The following RAP1GAP2 variants were observed in gnomAD, a reference collection of about 807,000 sequenced individuals.
RAP1GAP2 encodes the protein RAP1 GTPase activating protein 2, also known as rap1 GTPase-activating protein 2.
Under a neutral mutation model 95.0 loss-of-function variants are expected in RAP1GAP2, and 27 were observed. That is an observed-to-expected ratio of 0.28 (90% CI 0.21 to 0.39). RAP1GAP2 has a LOEUF of 0.39. RAP1GAP2 is among the 10% of genes least tolerant of loss of function. RAP1GAP2 has a pLI of 1.00. For missense variants in RAP1GAP2, 771 were observed against 970.0 expected (o/e 0.79, Z 2.72); for synonymous variants, 373 against 380.9 (o/e 0.98, Z 0.24).
At chr17:3,020,874 T>A (rs1433212780) in intron 19 of RAP1GAP2, among the ~76,000 whole-genome samples, 3 of 152,222 alleles carry the variant, frequency 2.0e-5, no homozygotes, top group Non-Finnish European at 2.9e-5. Context: ...CTTTGCCTCC[T>A]TTTTCAACGC....
In RAP1GAP2 at chr17:2,868,995, A is replaced by G. The variant is rs562539830; in HGVS notation, c.81-36289A>G. On this transcript the variant is annotated intron_variant, in intron 2 of 24. Transcript: ENST00000254695. ...CATGAGGGCTCAAATCCTGCATCAC[A>G]GACAACCGTCTTCTCGCCATGTTCT... is the stretch of plus-strand genomic sequence containing the variant. Among the ~76,000 whole-genome samples the G allele has an allele frequency of 8.5e-5, 13 of 152,230 alleles. No individual in the cohort carries two copies. In the South Asian group the frequency reaches 1.9e-3, roughly 22 times the overall value.
chr17:2,797,594 G>C lies in RAP1GAP2; in HGVS notation c.44+1023G>C, dbSNP rs771290096. On this transcript the variant is annotated intron_variant, in intron 1 of 24. Transcript: ENST00000254695. The surrounding 1 kb of genome is among the most constrained non-coding windows in gnomAD (Gnocchi z 5.6). ...TGTTCCTCGGTAATTTTTCGCTTCC[G>C]TGTGTGTGGCTTATTTCCCTCTTCC... 38 of 673,060 alleles carry C rather than the reference G, an allele frequency of 5.6e-5. No individual in the cohort carries two copies. The highest frequency in any genetic ancestry group is 6.6e-5 in the Non-Finnish European group (36 of 544,948). The allele number at this position is 673,060 out of a possible 1,614,324, so 41.7% of individuals were successfully genotyped here.
chr17:2,889,863 G>GTGTATATA (rs1363693850), intron 2 of RAP1GAP2, among the ~76,000 whole-genome samples: 18 of 79,856 alleles, frequency 2.3e-4, no homozygotes, highest in Non-Finnish European at 3.1e-4. Context: ...TTATGTGTGT[G>GTGTATATA]TATATATATA....
intron 14 of RAP1GAP2, among the ~76,000 whole-genome samples, chr17:2,999,134 G>A (rs572189280): frequency 1.2e-4 from 19 of 152,262 alleles, no homozygotes; most frequent in East Asian, 7.7e-4. Context: ...AATCCTCACC[G>A]GTGCAGATGA....
intron 18 of RAP1GAP2, among the ~76,000 whole-genome samples, chr17:3,018,752 C>T (rs2046861445): frequency 1.3e-5 from 2 of 152,122 alleles, no homozygotes. Flanking sequence ...TGCTAGAGGC[C>T]ACTCAGCTAA....
chr17:2,963,167 A>G lies in RAP1GAP2; in HGVS notation c.247-263A>G, dbSNP rs2044416662. The stretch of plus-strand genomic sequence containing the variant: ...CCGGAATGAGCGTTCTAGGATGAGA[A>G]GCTGGTATCACGAGGGGTGAGAAGT... On this transcript the variant is annotated intron_variant, in intron 5 of 24. Coordinates refer to ENST00000254695, the MANE Select transcript of RAP1GAP2 (RefSeq NM_015085.5). The surrounding 1 kb of genome is among the most constrained non-coding windows in gnomAD (Gnocchi z 4.8). 1.8e-6 allele frequency: 1 copy of G among 565,322 alleles called. No individual in the cohort carries two copies. Among genetic ancestry groups the G allele is most frequent in the African/African-American group, 1.9e-5 (1 of 52,584 alleles). The allele number at this position is 565,322 out of a possible 1,614,324, so 35.0% of individuals were successfully genotyped here.
At chr17:2,998,168 A>G in intron 13 of RAP1GAP2, 53 bp from the exon 14 acceptor site, 8 of 1,570,684 alleles carry the variant, frequency 5.1e-6, no homozygotes, top group Non-Finnish European at 6.1e-6. Flanking sequence ...TCCCCAAAAC[A>G]TCTTTCATGA....
chr17:2,800,460 A>C, intron 1 of RAP1GAP2, 55 bp from the exon 2 acceptor site: 1 of 1,582,528 alleles, frequency 6.3e-7, no homozygotes, highest in Non-Finnish European at 8.6e-7. Flanking sequence ...TACAGATGCT[A>C]TGTAGGAGTC....
chr17:2,958,982 T>A (rs942103667), intron 4 of RAP1GAP2, among the ~76,000 whole-genome samples: 1 of 152,088 alleles, frequency 6.6e-6, no homozygotes, highest in East Asian at 1.9e-4. Context: ...AGGGAACTTA[T>A]CATCAGCTTG....
In RAP1GAP2 at chr17:2,867,997, A is replaced by G. The variant is rs2151633635; in HGVS notation, c.81-37287A>G. The stretch of plus-strand genomic sequence containing the variant: ...TGTCTTTTCTCTGAGTCCATTCTGA[A>G]CATCAAAGCATTCAGCCTGTGACCG... On this transcript the variant is annotated intron_variant, in intron 2 of 24. Coordinates refer to ENST00000254695, the MANE Select transcript of RAP1GAP2 (RefSeq NM_015085.5). The surrounding 1 kb of genome is among the most constrained non-coding windows in gnomAD (Gnocchi z 4.5). 6.6e-6 allele frequency among the ~76,000 whole-genome samples: 1 copy of G among 152,304 alleles called. No individual in the cohort carries two copies.
At chr17:2,980,632 C>T (rs1427784156) in intron 9 of RAP1GAP2, among the ~76,000 whole-genome samples, 1 of 152,126 alleles carries the variant, frequency 6.6e-6, no homozygotes. Flanking sequence ...AGGTAGTTCA[C>T]AGCTAGTTTG....
At chr17:2,958,100 C>T (rs914421040) in intron 4 of RAP1GAP2, among the ~76,000 whole-genome samples, 32 of 151,830 alleles carry the variant, frequency 2.1e-4, no homozygotes, top group Admixed American at 1.8e-3. Flanking sequence ...GTTCCTAGCA[C>T]GAGCTGGAAA....
intron 3 of RAP1GAP2, among the ~76,000 whole-genome samples, chr17:2,956,315 G>T (rs889903562): frequency 6.6e-6 from 1 of 152,174 alleles, no homozygotes; most frequent in African/African-American, 2.4e-5. Flanking sequence ...CTGGTAGGTC[G>T]GAGCTTTTTG....
chr17:2,937,541 C>T (rs987142618), intron 3 of RAP1GAP2, among the ~76,000 whole-genome samples: 7 of 152,102 alleles, frequency 4.6e-5, no homozygotes, highest in Non-Finnish European at 7.3e-5. Flanking sequence ...GCCAGCAGCA[C>T]GTGCAGGAGG....
intron 3 of RAP1GAP2, among the ~76,000 whole-genome samples, chr17:2,911,638 A>G (rs1460219848): frequency 7.8e-6 from 1 of 128,000 alleles, no homozygotes; most frequent in East Asian, 2.7e-4. Flanking sequence ...CAGATGTGAA[A>G]TGTGGCTTCT....
chr17:2,767,384 A>G (rs1303863545), intron 1 of RAP1GAP2, among the ~76,000 whole-genome samples: 1 of 149,946 alleles, frequency 6.7e-6, no homozygotes, highest in Non-Finnish European at 1.5e-5. Context: ...AAAAAAAAAA[A>G]AAAGGTTGGA....
intron 3 of RAP1GAP2, among the ~76,000 whole-genome samples, chr17:2,952,947 G>C (rs2043969084): frequency 6.6e-6 from 1 of 151,910 alleles, no homozygotes; most frequent in Admixed American, 6.6e-5. Context: ...TGGGATTACA[G>C]GTGTGCGCCA....
intron 4 of RAP1GAP2, 113 bp from the exon 5 acceptor site, chr17:2,962,557 C>T (rs2044383379): frequency 8.4e-7 from 1 of 1,188,898 alleles, no homozygotes; most frequent in Non-Finnish European, 1.2e-6. Flanking sequence ...CAGCACGGGC[C>T]AGCTTTTGCT....
intron 2 of RAP1GAP2, among the ~76,000 whole-genome samples, chr17:2,896,100 A>G (rs965228031): frequency 2.6e-5 from 4 of 151,910 alleles, no homozygotes; most frequent in African/African-American, 9.7e-5. Flanking sequence ...TCCCAAGGAG[A>G]ACCAGACCTC....
Sources: gnomAD v4.1 joint callset for allele counts (sites outside exome capture counted in the v4.1 genomes callset) on GRCh38, gnomAD v4.1.1 for gene constraint, Gnocchi (gnomAD v3.1) non-coding constraint, MANE v1.5 for transcripts, NCBI Gene and HGNC (gene_info 2026-07-23, HGNC 2026-07-21) for gene names.